Variants in ZNF705B observed in about 807,000 individuals in gnomAD.
ZNF705B encodes zinc finger protein 705B, also known as Putative zinc finger protein 705D-like protein LOC100132396.
ZNF705B carries 1 observed loss-of-function variant against 10.5 expected under a neutral mutation model. The ratio of observed to expected loss-of-function variants is 0.10; its 90% confidence interval spans 0.03 to 0.45. The LOEUF (loss-of-function observed/expected upper bound fraction) is 0.45, where lower values mean the gene tolerates loss of function less well. Ranked by LOEUF, ZNF705B falls within the 20% of genes least tolerant of loss-of-function variation. ZNF705B has a pLI of 0.97. For missense variants in ZNF705B, 14 were observed against 84.0 expected (o/e 0.17, Z 3.26); for synonymous variants, 4 against 25.4 (o/e 0.16, Z 2.53).
At chr8:7,927,750 A>C (rs1214891413) in intron 1 of ZNF705B, among the ~76,000 whole-genome samples, 1 of 147,692 alleles carries the variant, frequency 6.8e-6, no homozygotes, top group African/African-American at 2.4e-5. Context: ...ATCTGACTTT[A>C]GAGCTCTTTT....
intron 2 of ZNF705B, among the ~76,000 whole-genome samples, chr8:7,937,476 GAAAAC>G (rs1219529057): frequency 1.8e-5 from 2 of 108,364 alleles, no homozygotes; most frequent in Admixed American, 1.2e-4. Flanking sequence ...GAGTAACAGT[GAAAAC>G]AAAACAAAAC....
intron 1 of ZNF705B, among the ~76,000 whole-genome samples, chr8:7,928,419 G>A (rs574485842): frequency 8.3e-6 from 1 of 120,702 alleles, no homozygotes; most frequent in South Asian, 2.8e-4. Context: ...AAACAAATAC[G>A]TGAGTACCTC....
At chr8:7,930,168 T>C (rs905559968) in intron 1 of ZNF705B, 119 bp from the exon 2 acceptor site, 1 of 118,252 alleles carries the variant, frequency 8.5e-6, no homozygotes, top group Non-Finnish European at 2.0e-5. Flanking sequence ...GTGTCTATAA[T>C]TCCCATGTTT....
In ZNF705B at chr8:7,937,193, C is replaced by A. The variant is rs550314370; in HGVS notation, c.-72+6757C>A. Among the ~76,000 whole-genome samples, 6 of 118,096 alleles carry A rather than the reference C, an allele frequency of 5.1e-5. 2 individuals carry two copies. The highest frequency in any genetic ancestry group is 1.2e-4 in the Non-Finnish European group (6 of 49,686). The allele number at this position is 118,096 out of a possible 152,430, so 77.5% of individuals were successfully genotyped here. On this transcript the variant is annotated intron_variant, in intron 2 of 6. Transcript: ENST00000400120. The stretch of plus-strand genomic sequence containing the variant: ...GATCGAGTGAAGCAGATGATAGGGA[C>A]AGCACTAAGGCTTGGTATTCTGAGC...
intron 1 of ZNF705B, 132 bp downstream of exon 1, chr8:7,926,529 G>C (rs1436780278): frequency 1.8e-5 from 2 of 111,526 alleles, no homozygotes; most frequent in Non-Finnish European, 4.2e-5. Context: ...CTTTCTAGTG[G>C]TATTATTATT....
intron 2 of ZNF705B, chr8:7,938,825 GT>G (rs1382347268): frequency 1.3e-6 from 1 of 767,902 alleles, no homozygotes; most frequent in Admixed American, 2.8e-5. Context: ...GAAAACTTCC[GT>G]CTGTGGCTCT....
At chr8:7,931,834 G>A (rs1819858620) in intron 2 of ZNF705B, among the ~76,000 whole-genome samples, 1 of 127,598 alleles carries the variant, frequency 7.8e-6, no homozygotes, top group Non-Finnish European at 1.8e-5. Context: ...GTTCCCTGGA[G>A]TGTAGGACAC....
At chr8:7,927,898 T>C (rs1252234436) in intron 1 of ZNF705B, among the ~76,000 whole-genome samples, 2 of 140,330 alleles carry the variant, frequency 1.4e-5, no homozygotes, top group African/African-American at 5.0e-5. Flanking sequence ...ATTATTAATG[T>C]AGGGTGACCA....
rs548498381 is a variant in ZNF705B, at chr8:7,928,749, C to CAAAAAA, written c.-221-1526_-221-1521dup. On this transcript the variant is annotated intron_variant, in intron 1 of 6. Coordinates refer to ENST00000400120, the MANE Select transcript of ZNF705B (RefSeq NM_001193630.1). ...AGAATTATCGCTTTTAACCAGGTAG[C>CAAAAAA]AAAAAAAAAAAAAAAAATCAAACAT... Among the ~76,000 whole-genome samples, 115 of 52,244 alleles carry CAAAAAA rather than the reference C, an allele frequency of 2.2e-3. 1 individual carries two copies. Among genetic ancestry groups the CAAAAAA allele is most frequent in the African/African-American group, 2.9e-3 (65 of 22,392 alleles). The allele number at this position is 52,244 out of a possible 152,430, so 34.3% of individuals were successfully genotyped here. A position where few individuals can be genotyped will look rare whatever the true frequency, so the allele number is the denominator to read the frequency against.
intron 1 of ZNF705B, among the ~76,000 whole-genome samples, chr8:7,929,092 T>A (rs1819773811): frequency 8.2e-6 from 1 of 121,390 alleles, no homozygotes; most frequent in Non-Finnish European, 2.0e-5. Context: ...CTACTGAAAT[T>A]TGAAAAGAAG....
In ZNF705B at chr8:7,928,830, T is replaced by C. The variant is rs1233706679; in HGVS notation, c.-221-1457T>C. Among the ~76,000 whole-genome samples, 8 of 104,980 alleles carry C rather than the reference T, an allele frequency of 7.6e-5. No individual in the cohort carries two copies. The Admixed American group carries it at 9.8e-4, about 13-fold the overall frequency. 68.9% of individuals were successfully genotyped at this position (104,980 alleles called of 152,430 possible). A position where few individuals can be genotyped will look rare whatever the true frequency, so the allele number is the denominator to read the frequency against. On this transcript the variant is annotated intron_variant, in intron 1 of 6. Transcript: ENST00000400120. ...CATTTACAGAATTTCTTCTCCTTTT[T>C]TAGCTTCTAAAATGGGTGGTTTTCC...
chr8:7,935,022 A>AC (rs1411745553), intron 2 of ZNF705B, among the ~76,000 whole-genome samples: 7 of 87,280 alleles, frequency 8.0e-5, no homozygotes, highest in African/African-American at 2.0e-4. Context: ...TCCTACACAC[A>AC]CACACACACT....
At chr8:7,933,091 A>T (rs1174005205) in intron 2 of ZNF705B, among the ~76,000 whole-genome samples, 4 of 117,264 alleles carry the variant, frequency 3.4e-5, no homozygotes, top group African/African-American at 1.0e-4. Context: ...CTGACCTTAA[A>T]ATAGGGAGAT....
rs1407611308 is a variant in ZNF705B, at chr8:7,948,877, AT to A, written c.13-251del. 2.7e-4 allele frequency among the ~76,000 whole-genome samples: 20 copies of A among 74,910 alleles called. 2 individuals carry two copies. Among genetic ancestry groups the A allele is most frequent in the African/African-American group, 6.3e-4 (20 of 31,648 alleles). 49.1% of individuals were successfully genotyped at this position (74,910 alleles called of 152,430 possible). On this transcript the variant is annotated intron_variant, in intron 3 of 6. Transcript: ENST00000400120. Reference sequence around the variant, plus strand: ...GAGGTGATTAACACATTACTGAAAAATATCTGGGTTATATTATGCCACACCT... The same window carrying A: ...GAGGTGATTAACACATTACTGAAAAAATCTGGGTTATATTATGCCACACCT...
At position 7,940,186 on chromosome 8, in the gene ZNF705B, A is replaced by G. The variant is rs1585002751; in HGVS notation, c.-71-7165A>G. Among the ~76,000 whole-genome samples the G allele has an allele frequency of 2.1e-5, 3 of 141,276 alleles. No individual in the cohort carries two copies. In the East Asian group the frequency reaches 6.5e-4, roughly 31 times the overall value. 92.7% of individuals were successfully genotyped at this position (141,276 alleles called of 152,430 possible). On this transcript the variant is annotated intron_variant, in intron 2 of 6. Transcript: ENST00000400120. ...TTGAATTCCAGGCAGCAGGTAGGAA[A>G]AAAGCCAAGAGAAAAAAACAAGGGA...
chr8:7,929,688 C>T (rs1419481845), intron 1 of ZNF705B, among the ~76,000 whole-genome samples: 3 of 116,806 alleles, frequency 2.6e-5, no homozygotes, highest in African/African-American at 7.7e-5. Flanking sequence ...GAATTGTTGT[C>T]GTTGTTGTTG....
chr8:7,935,341 G>A (rs1240996990), intron 2 of ZNF705B, among the ~76,000 whole-genome samples: 2 of 147,346 alleles, frequency 1.4e-5, no homozygotes, highest in South Asian at 2.3e-4. Context: ...TGAAAATATT[G>A]AATAGTATTT....
Position 7,927,026 on chromosome 8 carries a change from C to T in ZNF705B, c.-222+629C>T, listed in dbSNP as rs1328939932. ...AAAAGTTATGTCAACTAAGATACCA[C>T]TTTCAAGACTCGTGGTACGTGATAG... On this transcript the variant is annotated intron_variant, in intron 1 of 6. Coordinates refer to ENST00000400120, the MANE Select transcript of ZNF705B (RefSeq NM_001193630.1). 1.7e-5 allele frequency among the ~76,000 whole-genome samples: 2 copies of T among 119,664 alleles called. 1 individual carries two copies. Among genetic ancestry groups the T allele is most frequent in the Admixed American group, 1.9e-4 (2 of 10,418 alleles). 78.5% of individuals were successfully genotyped at this position (119,664 alleles called of 152,430 possible).
In ZNF705B at chr8:7,929,335, A is replaced by G. The variant is rs536688740; in HGVS notation, c.-221-952A>G. On this transcript the variant is annotated intron_variant, in intron 1 of 6. Transcript: ENST00000400120. ...AAAATAAACTTTTTTATAGAATGGA[A>G]GAAATAAAAAATGTTTAAAGGGTGG... Among the ~76,000 whole-genome samples, 152 of 121,748 alleles carry G rather than the reference A, an allele frequency of 1.2e-3. 4 individuals are homozygous for G. The highest frequency in any genetic ancestry group is 3.7e-3 in the African/African-American group (150 of 40,054). The allele number at this position is 121,748 out of a possible 152,430, so 79.9% of individuals were successfully genotyped here.
Sources: allele counts gnomAD v4.1 joint callset (sites outside exome capture counted in the v4.1 genomes callset), GRCh38; gene constraint gnomAD v4.1.1; transcripts MANE v1.5; gene names NCBI Gene and HGNC (gene_info 2026-07-23, HGNC 2026-07-21).